The following ASIC2 variants were observed in gnomAD, a reference collection of about 807,000 sequenced individuals.
ASIC2 encodes acid sensing ion channel subunit 2.
ASIC2 carries 25 observed loss-of-function variants against 57.3 expected under a neutral mutation model. That is an observed-to-expected ratio of 0.44 (90% confidence interval 0.32 to 0.61). The LOEUF is 0.61. Ranked by LOEUF, ASIC2 falls within the 20% of genes least tolerant of loss-of-function variation. The pLI is 0.06. For synonymous variants in ASIC2, 319 were observed against 307.5 expected (o/e 1.04, Z -0.39); for missense variants, 641 against 738.1 (o/e 0.87, Z 1.52).
intron 1 of ASIC2, among the ~76,000 whole-genome samples, chr17:33,587,181 C>A (rs1287859263): frequency 6.6e-6 from 1 of 152,162 alleles, no homozygotes; most frequent in African/African-American, 2.4e-5. Flanking sequence ...GAGTTGAGTA[C>A]TTGCAACAGA....
intron 1 of ASIC2, among the ~76,000 whole-genome samples, chr17:34,041,068 A>G (rs899862475): frequency 2.0e-5 from 3 of 152,216 alleles, no homozygotes; most frequent in African/African-American, 7.2e-5. Context: ...ATATATCTCA[A>G]CAAGGAGAAA....
intron 1 of ASIC2, among the ~76,000 whole-genome samples, chr17:33,494,481 T>G (rs913467334): frequency 2.6e-5 from 4 of 152,202 alleles, no homozygotes; most frequent in African/African-American, 4.8e-5. Flanking sequence ...TAACAAGACA[T>G]TCTTCACACG....
chr17:33,475,506 G>A lies in ASIC2; in HGVS notation c.556-363439C>T, dbSNP rs999104323. 3.9e-5 allele frequency among the ~76,000 whole-genome samples: 6 copies of A among 152,014 alleles called. No homozygotes were observed. In the South Asian group the frequency reaches 1.0e-3, roughly 26 times the overall value. ...TAAAATCTTGCTTTTTGCACTCAAC[G>A]TTATGTGAATGTTTTGTTGTTTTGG... On this transcript the variant is annotated intron_variant, in intron 1 of 9. Transcript: ENST00000359872.
At chr17:33,628,016 C>T (rs1334496671) in intron 1 of ASIC2, among the ~76,000 whole-genome samples, 3 of 151,878 alleles carry the variant, frequency 2.0e-5, no homozygotes, top group Admixed American at 6.6e-5. Context: ...GGGGACAGAG[C>T]GAGACTCTGT....
At chr17:34,037,878 G>A (rs1340608815) in intron 1 of ASIC2, 3 of 1,613,746 alleles carry the variant, frequency 1.9e-6, no homozygotes, top group East Asian at 2.2e-5. Flanking sequence ...AGGATGTCTT[G>A]CTGAGACTGG....
In ASIC2 at chr17:33,023,843, C is replaced by A. The variant is rs763191743; in HGVS notation, c.1349+18G>T. The A allele has an allele frequency of 2.5e-6, 4 of 1,613,676 alleles. No individual in the cohort carries two copies. In the Admixed American group the frequency reaches 5.0e-5, roughly 20 times the overall value. ...CCAGTTCCCCCTTCCCCCTGCCTAC[C>A]ATGCCCACTAAACTTACGAGATATA... is the stretch of plus-strand genomic sequence containing the variant. On this transcript the variant is annotated intron_variant, in intron 6 of 9. Coordinates refer to ENST00000225823, the MANE Select transcript of ASIC2 (RefSeq NM_183377.2).
Position 33,243,070 on chromosome 17 carries a change from C to T in ASIC2, c.708+48338G>A, listed in dbSNP as rs75137438. Among the ~76,000 whole-genome samples, 1,485 of 152,366 alleles carry T rather than the reference C, an allele frequency of 9.7e-3. 52 individuals are homozygous for T. In the East Asian group the frequency reaches 0.12, roughly 13 times the overall value. ...TGTGCACACATCTTCCACACTCACACACCCCTGCATTTGAGGCAGAGATAC... is the reference window on the plus strand; with the variant it reads ...TGTGCACACATCTTCCACACTCACATACCCCTGCATTTGAGGCAGAGATAC... On this transcript the variant is annotated intron_variant, in intron 1 of 9. Coordinates refer to ENST00000225823, the MANE Select transcript of ASIC2 (RefSeq NM_183377.2).
intron 1 of ASIC2, among the ~76,000 whole-genome samples, chr17:34,131,744 A>C (rs1399004907): frequency 6.6e-6 from 1 of 152,114 alleles, no homozygotes; most frequent in African/African-American, 2.4e-5. Context: ...CTTTAATCCC[A>C]CTGAGACCCA....
chr17:33,911,664 T>C (rs1304149027), intron 1 of ASIC2, among the ~76,000 whole-genome samples: 2 of 152,200 alleles, frequency 1.3e-5, no homozygotes, highest in Non-Finnish European at 2.9e-5. Context: ...GAACATATAT[T>C]GGGATAGACC....
intron 1 of ASIC2, among the ~76,000 whole-genome samples, chr17:34,152,031 T>A (rs4795879): frequency 0.18 from 27,473 of 151,890 alleles, 3,071 homozygotes; most frequent in East Asian, 0.35. Flanking sequence ...ATAATTTTTT[T>A]AAAAAAGATA....
At chr17:33,597,490 A>G (rs1445142084) in intron 1 of ASIC2, among the ~76,000 whole-genome samples, 1 of 151,974 alleles carries the variant, frequency 6.6e-6, no homozygotes, top group Non-Finnish European at 1.5e-5. Context: ...GCTCTGCAAA[A>G]TGGGCCTCTC....
rs976028175 is a variant in ASIC2 at position 33,591,319 on chromosome 17, ATAGT to A, written c.556-479256_556-479253del. ...GTCCCTGGACCACTCTAGACCTCTG[ATAGT>A]TAGTAGGGGTCCAGTTTCCCCTTAG... On this transcript the variant is annotated intron_variant, in intron 1 of 9. Coordinates refer to the ASIC2 transcript ENST00000359872. Among the ~76,000 whole-genome samples the A allele has an allele frequency of 2.8e-4, 43 of 152,134 alleles. 1 individual carries two copies. Among genetic ancestry groups the A allele is most frequent in the African/African-American group, 1.0e-3 (43 of 41,434 alleles).
chr17:33,731,750 C>G (rs1435215557), intron 1 of ASIC2, among the ~76,000 whole-genome samples: 1 of 152,202 alleles, frequency 6.6e-6, no homozygotes, highest in African/African-American at 2.4e-5. Flanking sequence ...CTGCCCTTGG[C>G]CACTCCAGGA....
intron 1 of ASIC2, among the ~76,000 whole-genome samples, chr17:33,401,449 C>T (rs1910283978): frequency 6.6e-6 from 1 of 152,146 alleles, no homozygotes; most frequent in South Asian, 2.1e-4. Flanking sequence ...CACCTGCTGG[C>T]TCCCCTCCTG....
chr17:34,034,530 G>A (rs1043794896), intron 1 of ASIC2, among the ~76,000 whole-genome samples: 2 of 152,086 alleles, frequency 1.3e-5, no homozygotes, highest in African/African-American at 2.4e-5. Context: ...GGCAGGAGAA[G>A]GAAATAAAGG....
Position 33,292,158 on chromosome 17 carries a change from G to T in ASIC2, c.-43C>A, listed in dbSNP as rs1905505402. ...GGCGGCAGCGGCGGCGGCCCCGGCC[G>T]GGCGGAGCCGCCATGGGAGTCCGCA... is the stretch of plus-strand genomic sequence containing the variant. On this transcript the variant is annotated 5_prime_UTR_variant, in exon 1 of 10. Transcript: ENST00000225823. The T allele has an allele frequency of 9.8e-7, 1 of 1,023,490 alleles. No individual in the cohort carries two copies. The highest frequency in any genetic ancestry group is 4.6e-5 in the South Asian group (1 of 21,974). 63.4% of individuals were successfully genotyped at this position (1,023,490 alleles called of 1,614,324 possible).
intron 1 of ASIC2, among the ~76,000 whole-genome samples, chr17:33,164,029 G>A (rs1484997742): frequency 6.6e-6 from 1 of 152,214 alleles, no homozygotes; most frequent in East Asian, 1.9e-4. Context: ...CTGAGAGGCT[G>A]AGCATCTTGC....
At chr17:33,691,437 T>G (rs1048730931) in intron 1 of ASIC2, among the ~76,000 whole-genome samples, 1 of 152,184 alleles carries the variant, frequency 6.6e-6, no homozygotes, top group African/African-American at 2.4e-5. Flanking sequence ...AAACATAGTA[T>G]TTATTTTTGT....
intron 1 of ASIC2, among the ~76,000 whole-genome samples, chr17:33,333,731 G>A (rs923083072): frequency 1.3e-5 from 2 of 152,084 alleles, no homozygotes; most frequent in Non-Finnish European, 2.9e-5. Flanking sequence ...TTCCACTCTT[G>A]CATGTGATTA....
Sources: gnomAD v4.1 joint callset for allele counts (sites outside exome capture counted in the v4.1 genomes callset) on GRCh38, gnomAD v4.1.1 for gene constraint, MANE v1.5 for transcripts, NCBI Gene and HGNC (gene_info 2026-07-23, HGNC 2026-07-21) for gene names.